ADAMTS12: variants seen among roughly 807,000 people sequenced by gnomAD.
The protein encoded by ADAMTS12 is A disintegrin and metalloproteinase with thrombospondin motifs 12.
Under a neutral mutation model 167.8 loss-of-function variants are expected in ADAMTS12, and 118 were observed. The observed-to-expected ratio is 0.70, with a 90% confidence interval of 0.61 to 0.82. ADAMTS12 has a LOEUF of 0.82. Among genes scored for constraint, ADAMTS12 ranks in the 40% least tolerant of loss-of-function variants. ADAMTS12 has a pLI of 0.00. For missense variants in ADAMTS12, 1,916 were observed against 1,998.8 expected (o/e 0.96, Z 0.79); for synonymous variants, 704 against 716.9 (o/e 0.98, Z 0.29).
At chr5:33,687,633 A>G (rs1429677577) in intron 3 of ADAMTS12, among the ~76,000 whole-genome samples, 1 of 152,230 alleles carries the variant, frequency 6.6e-6, no homozygotes, top group African/African-American at 2.4e-5. Context: ...CCAAAGAGAA[A>G]TATCAGTTAT....
chr5:33,868,795 T>C (rs1025536576), intron 2 of ADAMTS12, among the ~76,000 whole-genome samples: 3 of 152,232 alleles, frequency 2.0e-5, no homozygotes, highest in South Asian at 2.1e-4. Context: ...ATTTTTTAGC[T>C]CATCAGCTAT....
chr5:33,698,099 A>G (rs957955258), intron 3 of ADAMTS12, among the ~76,000 whole-genome samples: 1 of 152,222 alleles, frequency 6.6e-6, no homozygotes, highest in Non-Finnish European at 1.5e-5. Context: ...CAGGATGAAC[A>G]AAGGTGTGGA....
At chr5:33,552,808 C>T (rs1745310581) in intron 20 of ADAMTS12, among the ~76,000 whole-genome samples, 1 of 152,076 alleles carries the variant, frequency 6.6e-6, no homozygotes, top group African/African-American at 2.4e-5. Flanking sequence ...AGGCTGATGC[C>T]TCCACCTTTG....
intron 20 of ADAMTS12, among the ~76,000 whole-genome samples, chr5:33,558,473 A>G (rs766926580): frequency 1.3e-5 from 2 of 152,132 alleles, no homozygotes; most frequent in Non-Finnish European, 2.9e-5. Flanking sequence ...CACTACAGAG[A>G]TTAATCAATA....
intron 7 of ADAMTS12, among the ~76,000 whole-genome samples, chr5:33,651,606 A>T (rs1740869870): frequency 6.6e-6 from 1 of 152,180 alleles, no homozygotes; most frequent in African/African-American, 2.4e-5. Flanking sequence ...TATACAACTA[A>T]AAAAGAAGTA....
intron 18 of ADAMTS12, among the ~76,000 whole-genome samples, chr5:33,586,460 C>CT (rs1261763023): frequency 6.6e-6 from 1 of 152,230 alleles, no homozygotes; most frequent in Non-Finnish European, 1.5e-5. Context: ...GGTCCATTGA[C>CT]TATGCAATGG....
chr5:33,641,813 G>C lies in ADAMTS12; in HGVS notation c.1715C>G (p.Pro572Arg). The C allele has an allele frequency of 6.2e-7, 1 of 1,608,604 alleles. No individual in the cohort carries two copies. Among genetic ancestry groups the C allele is most frequent in the South Asian group, 1.1e-5 (1 of 90,420 alleles). Residue 572 changes from proline (P) to arginine (R), a missense_variant, in exon 11 of 24, where the codon CCC (proline) becomes CGC (arginine). Transcript: ENST00000504830. ...AAATATATTTATCTGGACTCACTCGGGGTTGTTGCAGAGCCTCTCTGCGCT... is the reference window on the plus strand; with the variant it reads ...AAATATATTTATCTGGACTCACTCGCGGTTGTTGCAGAGCCTCTCTGCGCT... ...VQSAERLCNNPEPKFGGKYCT... is the reference protein window; with the variant it reads ...VQSAERLCNNREPKFGGKYCT...
intron 5 of ADAMTS12, among the ~76,000 whole-genome samples, chr5:33,679,074 G>A (rs1373337358): frequency 6.6e-6 from 1 of 152,174 alleles, no homozygotes; most frequent in Non-Finnish European, 1.5e-5. Flanking sequence ...ACCGAAGTGC[G>A]AGTGGAAGTA....
At chr5:33,537,770 T>A (rs1312853470) in intron 22 of ADAMTS12, among the ~76,000 whole-genome samples, 2 of 152,178 alleles carry the variant, frequency 1.3e-5, no homozygotes, top group African/African-American at 4.8e-5. Context: ...TTAGAGTGGA[T>A]CAATGGCTGT....
intron 4 of ADAMTS12, among the ~76,000 whole-genome samples, 196 bp from the exon 5 acceptor site, chr5:33,683,297 T>A (rs907890323): frequency 1.3e-5 from 2 of 152,190 alleles, no homozygotes; most frequent in African/African-American, 2.4e-5. Context: ...TCTTTCAGGG[T>A]GATAGCTTGG....
At chr5:33,650,934 C>T (rs1399986507) in intron 7 of ADAMTS12, among the ~76,000 whole-genome samples, 1 of 152,152 alleles carries the variant, frequency 6.6e-6, no homozygotes, top group East Asian at 1.9e-4. Flanking sequence ...TTAATGAAAC[C>T]TTCTGATCAG....
At chr5:33,866,138 C>T (rs1373623196) in intron 2 of ADAMTS12, among the ~76,000 whole-genome samples, 3 of 151,960 alleles carry the variant, frequency 2.0e-5, no homozygotes, top group African/African-American at 7.2e-5. Flanking sequence ...AAGAAAGAGC[C>T]TGAATATCCA....
At chr5:33,784,902 C>T (rs928260351) in intron 2 of ADAMTS12, among the ~76,000 whole-genome samples, 4 of 152,020 alleles carry the variant, frequency 2.6e-5, no homozygotes, top group Non-Finnish European at 5.9e-5. Flanking sequence ...AGTTGCTGGA[C>T]TTTCAGTACC....
At chr5:33,757,130 T>C (rs1394379262) in intron 2 of ADAMTS12, among the ~76,000 whole-genome samples, 1 of 152,192 alleles carries the variant, frequency 6.6e-6, no homozygotes, top group Admixed American at 6.5e-5. Context: ...TGATGACAGC[T>C]GTCATCAGGG....
chr5:33,738,167 CCTGGGGT>C (rs1332711537), intron 3 of ADAMTS12, among the ~76,000 whole-genome samples: 1 of 152,170 alleles, frequency 6.6e-6, no homozygotes, highest in East Asian at 1.9e-4. Context: ...GATGGGGCTA[CCTGGGGT>C]CTTTGGTAAT....
chr5:33,839,296 AT>A (rs1164221091), intron 2 of ADAMTS12, among the ~76,000 whole-genome samples: 4 of 152,212 alleles, frequency 2.6e-5, no homozygotes, highest in Non-Finnish European at 5.9e-5. Flanking sequence ...TGTGTGTGCT[AT>A]TATTAGCAGA....
Position 33,609,034 on chromosome 5 carries a change from C to A in ADAMTS12, c.2527+5204G>T, listed in dbSNP as rs200108594. 2.0e-5 allele frequency among the ~76,000 whole-genome samples: 3 copies of A among 152,248 alleles called. No individual in the cohort carries two copies. The East Asian group carries it at 5.8e-4, about 29-fold the overall frequency. ...TGTCAAGTGCAGTTATAGCCATCCA[C>A]ATTAGTTTTGTCAAATTCTCAGCAA... On this transcript the variant is annotated intron_variant, in intron 16 of 23. Coordinates refer to ENST00000504830, the MANE Select transcript of ADAMTS12 (RefSeq NM_030955.4).
chr5:33,845,119 C>A (rs1346263934), intron 2 of ADAMTS12, among the ~76,000 whole-genome samples: 1 of 152,190 alleles, frequency 6.6e-6, no homozygotes, highest in African/African-American at 2.4e-5. Context: ...ACTAGAGCTG[C>A]AAGCAGGTAT....
chr5:33,626,626 G>T (rs1314903022), intron 13 of ADAMTS12, among the ~76,000 whole-genome samples: 1 of 149,934 alleles, frequency 6.7e-6, no homozygotes, highest in African/African-American at 2.4e-5. Context: ...GGTGACGGTG[G>T]TGGTGATTTG....
Sources: allele counts gnomAD v4.1 joint callset (sites outside exome capture counted in the v4.1 genomes callset), GRCh38; gene constraint gnomAD v4.1.1; transcripts MANE v1.5; gene names NCBI Gene and HGNC (gene_info 2026-07-23, HGNC 2026-07-21).